The following SAP130 variants were observed in gnomAD, a reference collection of about 807,000 sequenced individuals.
The protein encoded by SAP130 is histone deacetylase complex subunit SAP130.
In SAP130, 16 loss-of-function variants were observed where a neutral mutation model predicts 103.2. The ratio of observed to expected loss-of-function variants is 0.16; its 90% CI spans 0.10 to 0.24. The LOEUF (loss-of-function observed/expected upper bound fraction) is 0.24. Ranked by LOEUF, SAP130 falls within the 10% of genes least tolerant of loss-of-function variation. The pLI, the probability that SAP130 is intolerant of heterozygous loss-of-function variation, is 1.00. For synonymous variants in SAP130, 477 were observed against 497.0 expected (o/e 0.96, Z 0.53); for missense variants, 990 against 1,359.7 (o/e 0.73, Z 4.28).
intron 14 of SAP130, among the ~76,000 whole-genome samples, chr2:127,979,017 G>C (rs532452948): frequency 6.6e-6 from 1 of 152,064 alleles, no homozygotes; most frequent in Non-Finnish European, 1.5e-5. Context: ...TTGAAAAAAG[G>C]GCCTTTGCAA....
At chr2:128,001,026 C>T (rs970270357) in intron 7 of SAP130, among the ~76,000 whole-genome samples, 2 of 152,194 alleles carry the variant, frequency 1.3e-5, no homozygotes, top group South Asian at 2.1e-4. Flanking sequence ...TTTGGATTAA[C>T]AGCAGCTTAA....
intron 15 of SAP130, among the ~76,000 whole-genome samples, chr2:127,963,998 T>C (rs897922710): frequency 6.6e-6 from 1 of 152,200 alleles, no homozygotes; most frequent in African/African-American, 2.4e-5. Context: ...GAAATAGGAA[T>C]GAAAGGAGAA....
At position 127,953,183 on chromosome 2, in the gene SAP130, C is replaced by T. The variant is rs776893422; in HGVS notation, c.2422+1803G>A. On this transcript the variant is annotated intron_variant, in intron 16 of 20. Transcript: ENST00000643581. This position sits in a 1 kb window ranked among gnomAD's most constrained non-coding sequence, Gnocchi z 4.0. ...AATTCAGCCAATGGCAACTCTATGGCTTCCAGTTGCTAAGGCCAAAAATCT... is the reference window on the plus strand; with the variant it reads ...AATTCAGCCAATGGCAACTCTATGGTTTCCAGTTGCTAAGGCCAAAAATCT... 6.6e-6 allele frequency among the ~76,000 whole-genome samples: 1 copy of T among 152,202 alleles called. No homozygotes were observed. The highest frequency in any genetic ancestry group is 1.5e-5 in the Non-Finnish European group (1 of 68,038).
At chr2:127,977,676 G>A (rs753014486) in intron 15 of SAP130, among the ~76,000 whole-genome samples, 4 of 152,122 alleles carry the variant, frequency 2.6e-5, no homozygotes, top group Non-Finnish European at 5.9e-5. Flanking sequence ...TTATAAATGA[G>A]GCAAATGGGA....
In SAP130 at chr2:127,989,519, A is replaced by G. The variant is rs1682637847; in HGVS notation, c.1780+45T>C. Reference sequence around the variant, plus strand: ...AGAGAAAGGATTTAAACCCAAATGTATTTCTTTTCTCCAAACCACCTTCTA... The same window carrying G: ...AGAGAAAGGATTTAAACCCAAATGTGTTTCTTTTCTCCAAACCACCTTCTA... On this transcript the variant is annotated intron_variant, in intron 13 of 20. Coordinates refer to ENST00000643581, the MANE Select transcript of SAP130 (RefSeq NM_001330301.2). The surrounding 1 kb of genome is among the most constrained non-coding windows in gnomAD (Gnocchi z 4.6). The G allele has an allele frequency of 6.5e-7, 1 of 1,531,858 alleles. No individual in the cohort carries two copies. The highest frequency in any genetic ancestry group is 8.9e-7 in the Non-Finnish European group (1 of 1,128,432). 94.9% of individuals were successfully genotyped at this position (1,531,858 alleles called of 1,614,324 possible).
At chr2:127,947,828 C>T (rs1679213812) in intron 18 of SAP130, among the ~76,000 whole-genome samples, 1 of 135,496 alleles carries the variant, frequency 7.4e-6, no homozygotes, top group South Asian at 2.6e-4. Context: ...ACTCTGTCAC[C>T]TAGGCTGAAG....
intron 12 of SAP130, among the ~76,000 whole-genome samples, chr2:127,992,076 A>G (rs1404951786): frequency 6.6e-6 from 1 of 151,956 alleles, no homozygotes; most frequent in Non-Finnish European, 1.5e-5. Flanking sequence ...GGCTCAGGCA[A>G]TCCTCCCACC....
At chr2:128,026,528 T>C (rs1478659752) in intron 1 of SAP130, among the ~76,000 whole-genome samples, 1 of 152,242 alleles carries the variant, frequency 6.6e-6, no homozygotes, top group Admixed American at 6.5e-5. Flanking sequence ...TGACCCTCCA[T>C]AAATACTTGT....
chr2:127,983,419 G>A (rs1682100547), intron 14 of SAP130, among the ~76,000 whole-genome samples: 1 of 152,124 alleles, frequency 6.6e-6, no homozygotes, highest in African/African-American at 2.4e-5. Flanking sequence ...AAGTGCTTTT[G>A]AGGAGAAATG....
At chr2:128,013,229 A>C in intron 5 of SAP130, 75 bp from the exon 6 acceptor site, 2 of 1,370,178 alleles carry the variant, frequency 1.5e-6, no homozygotes, top group Non-Finnish European at 1.9e-6. Context: ...GTTTCCCAAA[A>C]CTCAGATAGC....
At chr2:127,947,094 A>G (rs1313431559) in intron 18 of SAP130, among the ~76,000 whole-genome samples, 1 of 151,548 alleles carries the variant, frequency 6.6e-6, no homozygotes, top group Non-Finnish European at 1.5e-5. Flanking sequence ...TTGAAGATGG[A>G]GGCAGGGACT....
At chr2:127,987,166 C>G (rs940841621) in intron 13 of SAP130, among the ~76,000 whole-genome samples, 2 of 152,194 alleles carry the variant, frequency 1.3e-5, no homozygotes, top group African/African-American at 4.8e-5. Flanking sequence ...TCTACTGATG[C>G]ATGATCCATA....
intron 7 of SAP130, among the ~76,000 whole-genome samples, chr2:128,001,074 T>C (rs1230585389): frequency 6.6e-6 from 1 of 152,202 alleles, no homozygotes; most frequent in Non-Finnish European, 1.5e-5. Context: ...CTCCCAATTT[T>C]ACATCATTCC....
At chr2:127,976,965 G>A (rs978188841) in intron 15 of SAP130, among the ~76,000 whole-genome samples, 13 of 152,116 alleles carry the variant, frequency 8.5e-5, no homozygotes, top group Non-Finnish European at 1.5e-4. Context: ...AAAAGACGTG[G>A]AAAGATACTT....
rs1254897630 is a variant in SAP130, at chr2:127,989,572, T to C, written c.1772A>G (p.Lys591Arg). ...MGTQQPQPEG[K>R]TSAVVLADGA... is the part of the protein sequence containing the mutation. ...CAAAAATTTAAAATTACCTGAAGTC[T>C]TTCCTTCAGGCTGAGGCTGCTGAGT... Residue 591 changes from lysine (K) to arginine (R), a missense_variant, in exon 13 of 21, where the codon AAG becomes AGG. Physicochemically the swap from Lys to Arg is conservative, Grantham distance 26. Around this residue, in one of 6 missense-constraint regions of SAP130, gnomAD observed 349 missense variants for 384.1 expected, o/e 0.91. Coordinates refer to ENST00000643581, the MANE Select transcript of SAP130 (RefSeq NM_001330301.2). The surrounding 1 kb of genome is among the most constrained non-coding windows in gnomAD (Gnocchi z 4.6). 2 of 1,600,796 alleles carry C rather than the reference T, an allele frequency of 1.2e-6. No homozygotes were observed. The highest frequency in any genetic ancestry group is 2.7e-5 in the African/African-American group (2 of 74,472).
chr2:127,956,050 T>C (rs1015541340), intron 15 of SAP130, among the ~76,000 whole-genome samples: 2 of 152,220 alleles, frequency 1.3e-5, no homozygotes, highest in African/African-American at 4.8e-5. Context: ...TTTCTTTTCT[T>C]TCTCTTTAGC....
intron 16 of SAP130, among the ~76,000 whole-genome samples, chr2:127,954,591 T>C (rs566855221): frequency 3.3e-4 from 51 of 152,336 alleles, no homozygotes; most frequent in Admixed American, 1.1e-3. Flanking sequence ...CAAATCTTAC[T>C]TGATTGTATA....
chr2:128,020,178 T>A (rs1336895347), intron 2 of SAP130, among the ~76,000 whole-genome samples: 2 of 152,168 alleles, frequency 1.3e-5, no homozygotes, highest in African/African-American at 4.8e-5. Context: ...TGAAGTATGA[T>A]TTTCATAAAG....
At chr2:128,012,283 AAC>A (rs1684451636) in intron 6 of SAP130, among the ~76,000 whole-genome samples, 1 of 152,166 alleles carries the variant, frequency 6.6e-6, no homozygotes, top group Non-Finnish European at 1.5e-5. Context: ...CAGCCTGGCC[AAC>A]AGGGTGAAAT....
Sources: gnomAD v4.1 joint callset for allele counts (sites outside exome capture counted in the v4.1 genomes callset) on GRCh38, gnomAD v4.1.1 for gene constraint, gnomAD v4.1.1 regional missense constraint, Gnocchi (gnomAD v3.1) non-coding constraint, MANE v1.5 for transcripts, NCBI Gene and HGNC (gene_info 2026-07-23, HGNC 2026-07-21) for gene names.